TBC1D22B: variants seen among roughly 807,000 people sequenced by gnomAD.
The protein encoded by TBC1D22B is chromosome 6 open reading frame 197.
In TBC1D22B, 32 loss-of-function variants were observed where a neutral mutation model predicts 69.1. That is an observed-to-expected ratio of 0.46 (90% CI 0.35 to 0.62). The LOEUF is 0.62. Among genes scored for constraint, TBC1D22B ranks in the 20% least tolerant of loss-of-function variants. TBC1D22B has a pLI of 0.00. For missense variants in TBC1D22B, 462 were observed against 630.9 expected (o/e 0.73, Z 2.87); for synonymous variants, 206 against 229.8 (o/e 0.90, Z 0.94).
chr6:37,286,492 T>G (rs1445898955), intron 6 of TBC1D22B, among the ~76,000 whole-genome samples: 1 of 151,804 alleles, frequency 6.6e-6, no homozygotes, highest in Non-Finnish European at 1.5e-5. Flanking sequence ...ATTTTTTGTA[T>G]TTTTAGTAGA....
At chr6:37,329,018 C>T (rs779992065) in intron 12 of TBC1D22B, among the ~76,000 whole-genome samples, 47 of 149,650 alleles carry the variant, frequency 3.1e-4, no homozygotes, top group African/African-American at 1.1e-3. Context: ...TGAGCCACTG[C>T]GCCCAGCCCA....
chr6:37,279,717 G>A (rs1468189699), intron 3 of TBC1D22B, 106 bp downstream of exon 3: 9 of 1,225,066 alleles, frequency 7.3e-6, no homozygotes, highest in Non-Finnish European at 1.0e-5. Context: ...ATTCAACTGG[G>A]CGGTAAATAA....
intron 8 of TBC1D22B, among the ~76,000 whole-genome samples, chr6:37,303,578 G>A (rs551834450): frequency 2.0e-5 from 3 of 152,088 alleles, no homozygotes; most frequent in Admixed American, 1.3e-4. Flanking sequence ...CTCGCCCACA[G>A]AACTCCTCTG....
chr6:37,308,271 A>G (rs890218609), intron 8 of TBC1D22B, among the ~76,000 whole-genome samples: 2 of 152,160 alleles, frequency 1.3e-5, no homozygotes, highest in African/African-American at 4.8e-5. Context: ...ATGGTTTCCC[A>G]TTTCAGCTTC....
At chr6:37,276,576 G>A (rs1766679016) in intron 2 of TBC1D22B, among the ~76,000 whole-genome samples, 1 of 152,160 alleles carries the variant, frequency 6.6e-6, no homozygotes. Flanking sequence ...GTCTTCATTT[G>A]AGTAAATTCC....
Position 37,313,014 on chromosome 6 carries a change from A to T in TBC1D22B, c.1079A>T (p.Asp360Val), listed in dbSNP as rs1222131108. Residue 360 changes from aspartate to valine, a missense_variant, in exon 9 of 13, where the codon GAT becomes GTT. Physicochemically the swap from Asp to Val is radical, Grantham distance 152. Coordinates refer to ENST00000373491, the MANE Select transcript of TBC1D22B (RefSeq NM_017772.4). ...DSFWCMSKLL[D>V]GIQDNYTFAQ... ...TTTTGGTGCATGAGCAAGCTGCTGG[A>T]TGGAATCCAGGTGAGCTGCTTCTGC... 6.2e-7 allele frequency: 1 copy of T among 1,613,858 alleles called. No homozygotes were observed. Among genetic ancestry groups the T allele is most frequent in the Non-Finnish European group, 8.5e-7 (1 of 1,179,858 alleles).
At chr6:37,291,047 T>C (rs1352695629) in intron 7 of TBC1D22B, among the ~76,000 whole-genome samples, 196 bp from the exon 8 acceptor site, 1 of 152,222 alleles carries the variant, frequency 6.6e-6, no homozygotes, top group African/African-American at 2.4e-5. Flanking sequence ...GGGCAAGAAG[T>C]ATCTACCCCT....
At chr6:37,280,811 C>T (rs188145545) in intron 3 of TBC1D22B, among the ~76,000 whole-genome samples, 15 of 152,300 alleles carry the variant, frequency 9.8e-5, no homozygotes, top group South Asian at 2.1e-4. Flanking sequence ...TTACACTAGG[C>T]GTCCCAGCCA....
Position 37,282,309 on chromosome 6 carries a change from GAA to G in TBC1D22B, c.549_550del (p.Lys183AsnfsTer16). 6.2e-7 allele frequency: 1 copy of G among 1,613,408 alleles called. No individual in the cohort carries two copies. The highest frequency in any genetic ancestry group is 8.5e-7 in the Non-Finnish European group (1 of 1,179,510). Reference protein sequence around the residue: ...SGAPPMTVREKTRLEKFRQLL... With the variant: ...SGAPPMTVREXTRLEKFRQLL... ...GGGCCCCCCCAATGACTGTCCGGGA[GAA>G]AACCCGCCTAGAAAAATTCCGTCAA... On this transcript the variant is annotated frameshift_variant, in exon 4 of 13. Transcript: ENST00000373491. LOFTEE classifies it high-confidence loss of function.
At chr6:37,315,306 C>G (rs934999035) in intron 10 of TBC1D22B, among the ~76,000 whole-genome samples, 1 of 152,152 alleles carries the variant, frequency 6.6e-6, no homozygotes, top group Non-Finnish European at 1.5e-5. Context: ...CGGTGACTCA[C>G]ACCTGTAATC....
intron 3 of TBC1D22B, among the ~76,000 whole-genome samples, chr6:37,280,879 C>T (rs1766805436): frequency 6.6e-6 from 1 of 151,292 alleles, no homozygotes; most frequent in South Asian, 2.1e-4. Flanking sequence ...GGTTGATAGT[C>T]ACTGCATCTG....
At chr6:37,324,094 G>T (rs1429579333) in intron 12 of TBC1D22B, among the ~76,000 whole-genome samples, 1 of 152,218 alleles carries the variant, frequency 6.6e-6, no homozygotes, top group African/African-American at 2.4e-5. Context: ...TTGTTTTAAA[G>T]TATTTATTTG....
chr6:37,329,359 G>A (rs1768519217), intron 12 of TBC1D22B, among the ~76,000 whole-genome samples: 1 of 152,160 alleles, frequency 6.6e-6, no homozygotes, highest in South Asian at 2.1e-4. Flanking sequence ...TGCATCTCAT[G>A]ATGCAGATAA....
intron 3 of TBC1D22B, among the ~76,000 whole-genome samples, chr6:37,280,683 C>T (rs1405017937): frequency 2.6e-5 from 4 of 152,238 alleles, no homozygotes; most frequent in Non-Finnish European, 5.9e-5. Context: ...CCCCGCCCAG[C>T]CCAGAGCATT....
intron 1 of TBC1D22B, among the ~76,000 whole-genome samples, chr6:37,264,899 GT>G (rs1295388500): frequency 1.3e-5 from 2 of 152,166 alleles, no homozygotes; most frequent in African/African-American, 2.4e-5. Flanking sequence ...CTGAGTTTGG[GT>G]TTGGAAGGAG....
chr6:37,308,455 C>T (rs1415565538), intron 8 of TBC1D22B, among the ~76,000 whole-genome samples: 5 of 152,170 alleles, frequency 3.3e-5, no homozygotes, highest in African/African-American at 1.2e-4. Context: ...ACCCAGCAGG[C>T]AGAAAAATAG....
intron 10 of TBC1D22B, among the ~76,000 whole-genome samples, chr6:37,314,359 T>G (rs1768013646): frequency 6.6e-6 from 1 of 152,220 alleles, no homozygotes; most frequent in Non-Finnish European, 1.5e-5. Flanking sequence ...GGCCTTGTCC[T>G]TCACGTTATG....
intron 12 of TBC1D22B, among the ~76,000 whole-genome samples, chr6:37,324,720 T>C (rs908991882): frequency 1.3e-5 from 2 of 152,236 alleles, no homozygotes; most frequent in Admixed American, 1.3e-4. Context: ...TCTCTTCTTT[T>C]TGTTCCTTCT....
chr6:37,324,739 CCTTA>C (rs1768344467), intron 12 of TBC1D22B, among the ~76,000 whole-genome samples: 1 of 152,124 alleles, frequency 6.6e-6, no homozygotes, highest in Non-Finnish European at 1.5e-5. Flanking sequence ...CTACTTTATG[CCTTA>C]CTTCTCTTCT....
Sources: allele counts gnomAD v4.1 joint callset (sites outside exome capture counted in the v4.1 genomes callset), GRCh38; gene constraint gnomAD v4.1.1; transcripts MANE v1.5; gene names NCBI Gene and HGNC (gene_info 2026-07-23, HGNC 2026-07-21).